Variants in CRTC1 observed in about 807,000 individuals in gnomAD.
The protein encoded by CRTC1 is CREB regulated transcription coactivator 1.
In CRTC1, 18 loss-of-function variants were observed where a neutral mutation model predicts 66.1. The ratio of observed to expected loss-of-function variants is 0.27; its 90% CI spans 0.19 to 0.40. The LOEUF (loss-of-function observed/expected upper bound fraction) is 0.40. Among genes scored for constraint, CRTC1 ranks in the 10% least tolerant of loss-of-function variants. CRTC1 has a pLI of 1.00. For synonymous variants in CRTC1, 416 were observed against 398.8 expected, an observed-to-expected ratio of 1.04 and a Z score of -0.51; for missense variants, 669 against 887.9, an observed-to-expected ratio of 0.75 and a Z score of 3.13.
chr19:18,691,063 G>A (rs1295035702), intron 1 of CRTC1, among the ~76,000 whole-genome samples: 2 of 151,188 alleles, frequency 1.3e-5, no homozygotes, highest in Non-Finnish European at 3.0e-5. Flanking sequence ...TGGGCTGGGA[G>A]TGGCGATGCA....
chr19:18,685,120 G>A (rs1387145962), intron 1 of CRTC1, among the ~76,000 whole-genome samples: 3 of 152,132 alleles, frequency 2.0e-5, no homozygotes, highest in Non-Finnish European at 4.4e-5. Context: ...GATTCCTTAG[G>A]TAGCACTTTC....
intron 1 of CRTC1, among the ~76,000 whole-genome samples, chr19:18,684,262 G>A (rs1338462454): frequency 6.6e-6 from 1 of 151,394 alleles, no homozygotes; most frequent in Non-Finnish European, 1.5e-5. Flanking sequence ...GGATGACACA[G>A]GTGTATGAGC....
In CRTC1 at chr19:18,766,620, A is replaced by T. The variant is rs1289238547; in HGVS notation, c.1011+1092A>T. Reference sequence around the variant, plus strand: ...GCCACCACGCCTGGCTAATTAAAAAAAATAATAATAGAGATGGGGTTTTGC... The same window carrying T: ...GCCACCACGCCTGGCTAATTAAAAATAATAATAATAGAGATGGGGTTTTGC... On this transcript the variant is annotated intron_variant, in intron 9 of 13. Coordinates refer to ENST00000321949, the MANE Select transcript of CRTC1 (RefSeq NM_015321.3). Among the ~76,000 whole-genome samples the T allele has an allele frequency of 4.7e-5, 7 of 147,920 alleles. No homozygotes were observed. The East Asian group carries it at 1.0e-3, about 22-fold the overall frequency.
At chr19:18,731,639 C>T (rs1184775980) in intron 1 of CRTC1, among the ~76,000 whole-genome samples, 2 of 152,158 alleles carry the variant, frequency 1.3e-5, no homozygotes, top group Non-Finnish European at 2.9e-5. Flanking sequence ...CTCTGGGCTG[C>T]TCCTGCTACC....
chr19:18,691,046 A>AAAAT (rs774624120), intron 1 of CRTC1, among the ~76,000 whole-genome samples: 1 of 135,948 alleles, frequency 7.4e-6, no homozygotes, highest in African/African-American at 2.9e-5. Flanking sequence ...AAAAAAAAAA[A>AAAAT]GAAGAGTGGG....
chr19:18,759,678 T>C, intron 7 of CRTC1, 87 bp downstream of exon 7: 1 of 1,407,308 alleles, frequency 7.1e-7, no homozygotes, highest in Non-Finnish European at 9.8e-7. Context: ...CTCTTGAGGT[T>C]GCAAGTCCCT....
At chr19:18,761,927 G>GC (rs1435440344) in intron 8 of CRTC1, among the ~76,000 whole-genome samples, 2 of 152,096 alleles carry the variant, frequency 1.3e-5, no homozygotes, top group Non-Finnish European at 2.9e-5. Flanking sequence ...CCCTGGGCCC[G>GC]CGGGGCTCTG....
intron 10 of CRTC1, among the ~76,000 whole-genome samples, chr19:18,769,169 G>A (rs1023222875): frequency 3.9e-5 from 6 of 152,224 alleles, no homozygotes; most frequent in Non-Finnish European, 7.3e-5. Flanking sequence ...CGGGGATGAC[G>A]TGAGCTTATC....
Position 18,777,471 on chromosome 19 carries a change from G to A in CRTC1, c.*89G>A, listed in dbSNP as rs752209281. On this transcript the variant is annotated 3_prime_UTR_variant, in exon 14 of 14. Coordinates refer to ENST00000321949, the MANE Select transcript of CRTC1 (RefSeq NM_015321.3). The surrounding 1 kb of genome is among the most constrained non-coding windows in gnomAD (Gnocchi z 5.5). ...CGTGCTCCGTCCCTCGCCAACGGCC[G>A]AGCTTGTGATTCTGAGCTTGCAATG... 3.8e-5 allele frequency: 48 copies of A among 1,251,514 alleles called. No individual in the cohort carries two copies. The highest frequency in any genetic ancestry group is 5.2e-5 in the Non-Finnish European group (45 of 867,752). The allele number at this position is 1,251,514 out of a possible 1,614,324, so 77.5% of individuals were successfully genotyped here.
rs2055086812 is a variant in CRTC1, at chr19:18,780,741, C to G, written c.*3359C>G. ...ATGGGGTCTTGCTGTGTTGCCCAGG[C>G]TGGTCTCGGACTCCTGGGCTCAAGC... On this transcript the variant is annotated 3_prime_UTR_variant, in exon 14 of 14. Transcript: ENST00000321949. The G allele has an allele frequency of 9.2e-6, 2 of 216,484 alleles. No homozygotes were observed. Among genetic ancestry groups the G allele is most frequent in the East Asian group, 1.4e-4 (2 of 14,670 alleles). The allele number at this position is 216,484 out of a possible 1,614,324, so 13.4% of individuals were successfully genotyped here. A position where few individuals can be genotyped will look rare whatever the true frequency, so the allele number is the denominator to read the frequency against.
Position 18,753,491 on chromosome 19 carries a change from C to T in CRTC1, c.539-9C>T, listed in dbSNP as rs753331585. 2 of 1,598,070 alleles carry T rather than the reference C, an allele frequency of 1.3e-6. No individual in the cohort carries two copies. The highest frequency in any genetic ancestry group is 1.7e-6 in the Non-Finnish European group (2 of 1,171,850). ...TCTGATTCTCCTTCTCCCCCTCCCA[C>T]CTCCCCAGTCTTACTGTTAACAGTC... On this transcript the variant is annotated splice_polypyrimidine_tract_variant and intron_variant, in intron 5 of 13. Transcript: ENST00000321949.
In CRTC1 at chr19:18,684,227, C is replaced by T. The variant is rs369811394; in HGVS notation, c.126+399C>T. ...ACTACCTGGAAGGGACAGGTGCCCC[C>T]GCATCATTGCTACCTGGGGGGGCAG... On this transcript the variant is annotated intron_variant, in intron 1 of 13. Coordinates refer to ENST00000321949, the MANE Select transcript of CRTC1 (RefSeq NM_015321.3). Among the ~76,000 whole-genome samples, 5 of 152,082 alleles carry T rather than the reference C, an allele frequency of 3.3e-5. No homozygotes were observed. In the East Asian group the frequency reaches 7.7e-4, roughly 23 times the overall value.
chr19:18,687,735 G>A (rs891862954), intron 1 of CRTC1, among the ~76,000 whole-genome samples: 2 of 152,150 alleles, frequency 1.3e-5, no homozygotes, highest in Non-Finnish European at 2.9e-5. Flanking sequence ...CACCTGAGGT[G>A]TCTTGCTGCC....
intron 7 of CRTC1, 51 bp from the exon 8 acceptor site, chr19:18,759,957 C>G (rs1052236895): frequency 2.2e-6 from 3 of 1,390,368 alleles, no homozygotes; most frequent in African/African-American, 2.0e-5. Context: ...GTCCCCGCCG[C>G]CAGCCCCGCC....
At position 18,732,553 on chromosome 19, in the gene CRTC1, G is replaced by A. The variant is rs554813610; in HGVS notation, c.127-10357G>A. On this transcript the variant is annotated intron_variant, in intron 1 of 13. Coordinates refer to ENST00000321949, the MANE Select transcript of CRTC1 (RefSeq NM_015321.3). ...GGCAGCCTGGGCTGCTAAGACAGAGGATTATTTTGGATGCAGGGATTGGGG... is the reference window on the plus strand; with the variant it reads ...GGCAGCCTGGGCTGCTAAGACAGAGAATTATTTTGGATGCAGGGATTGGGG... 6.6e-4 allele frequency among the ~76,000 whole-genome samples: 101 copies of A among 152,278 alleles called. 1 individual carries two copies. Among genetic ancestry groups the A allele is most frequent in the Admixed American group, 1.2e-3 (19 of 15,294 alleles).
At chr19:18,753,051 G>A (rs950549106) in intron 5 of CRTC1, among the ~76,000 whole-genome samples, 12 of 151,822 alleles carry the variant, frequency 7.9e-5, no homozygotes, top group African/African-American at 2.9e-4. Context: ...GGATCATGAG[G>A]TCAGGAGATC....
At chr19:18,774,757 G>A (rs2054944520) in intron 11 of CRTC1, 143 bp from the exon 12 acceptor site, 2 of 743,108 alleles carry the variant, frequency 2.7e-6, no homozygotes, top group Non-Finnish European at 4.5e-6. Context: ...GGCACTTCTG[G>A]AACCCCAAAA....
chr19:18,725,051 T>TG (rs1199609009), intron 1 of CRTC1, among the ~76,000 whole-genome samples: 1 of 152,024 alleles, frequency 6.6e-6, no homozygotes, highest in Non-Finnish European at 1.5e-5. Context: ...CGCCTGGAGC[T>TG]GGGGGGTGTC....
chr19:18,750,127 A>G (rs995928086), intron 5 of CRTC1, among the ~76,000 whole-genome samples: 2 of 152,220 alleles, frequency 1.3e-5, no homozygotes, highest in Admixed American at 1.3e-4. Flanking sequence ...CCATTCCTGG[A>G]TTGAGGGCGT....
Sources: gnomAD v4.1 joint callset for allele counts (sites outside exome capture counted in the v4.1 genomes callset) on GRCh38, gnomAD v4.1.1 for gene constraint, Gnocchi (gnomAD v3.1) non-coding constraint, MANE v1.5 for transcripts, NCBI Gene and HGNC (gene_info 2026-07-23, HGNC 2026-07-21) for gene names.